HVCN1: variants seen among roughly 807,000 people sequenced by gnomAD.
The protein encoded by HVCN1 is hydrogen voltage gated channel 1, also known as voltage-gated hydrogen channel 1.
In HVCN1, 14 loss-of-function variants were observed where a neutral mutation model predicts 29.2. The observed-to-expected ratio is 0.48, with a 90% CI of 0.32 to 0.75. The LOEUF (loss-of-function observed/expected upper bound fraction) is 0.75, where lower values mean the gene tolerates loss of function less well. Ranked by LOEUF, HVCN1 falls within the 30% of genes least tolerant of loss-of-function variation. The pLI, the probability that HVCN1 is intolerant of heterozygous loss-of-function variation, is 0.04. For synonymous variants in HVCN1, 131 were observed against 133.2 expected (o/e 0.98, Z 0.11); for missense variants, 263 against 341.8 (o/e 0.77, Z 1.82).
At chr12:110,670,905 A>G (rs1037017394) in intron 3 of HVCN1, among the ~76,000 whole-genome samples, 3 of 152,132 alleles carry the variant, frequency 2.0e-5, no homozygotes, top group Non-Finnish European at 4.4e-5. Context: ...CAAAAAGAGA[A>G]AAGGGGCCAG....
In HVCN1 at chr12:110,651,442, G is replaced by A. The variant is rs907385822; in HGVS notation, c.418C>T (p.His140Tyr). The A allele has an allele frequency of 6.2e-7, 1 of 1,607,986 alleles. No individual in the cohort carries two copies. Among genetic ancestry groups the A allele is most frequent in the African/African-American group, 1.3e-5 (1 of 74,758 alleles). Residue 140 changes from histidine (H) to tyrosine (Y), a missense_variant, in exon 6 of 8, where the codon CAC becomes TAC. Physicochemically the swap from His to Tyr is moderately conservative, Grantham distance 83. Transcript: ENST00000242607. The part of the protein sequence containing the change: ...DKNNYAAMVF[H>Y]YMSITILVFF... ...ACCAAGATGGTGATGCTCATGTAGT[G>A]GAATACCTGAAGGGGACAAGGAACC...
chr12:110,659,483 C>T (rs2068093405), intron 4 of HVCN1, among the ~76,000 whole-genome samples: 1 of 152,218 alleles, frequency 6.6e-6, no homozygotes, highest in Non-Finnish European at 1.5e-5. Context: ...TGTGGGCTTC[C>T]CTGTGGTCTC....
intron 3 of HVCN1, among the ~76,000 whole-genome samples, chr12:110,681,149 C>T (rs977527342): frequency 6.6e-6 from 1 of 152,156 alleles, no homozygotes; most frequent in African/African-American, 2.4e-5. Context: ...TCTGGCTGGG[C>T]CTGACAATTG....
intron 3 of HVCN1, among the ~76,000 whole-genome samples, chr12:110,663,507 G>A (rs991053811): frequency 6.7e-6 from 1 of 149,962 alleles, no homozygotes; most frequent in Non-Finnish European, 1.5e-5. Context: ...GGCTGGGGCA[G>A]GAGGAGTGCT....
At chr12:110,691,120 TG>T (rs2069397466), upstream of HVCN1, among the ~76,000 whole-genome samples, 1 of 151,780 alleles carries the variant, frequency 6.6e-6, no homozygotes, top group Non-Finnish European at 1.5e-5. Flanking sequence ...TGGAGTGCAG[TG>T]GCGCGACCTC....
chr12:110,682,964 CAAAA>C (rs374770633), intron 3 of HVCN1: 2 of 307,466 alleles, frequency 6.5e-6, no homozygotes, highest in African/African-American at 2.7e-5. Flanking sequence ...AACTCCATCT[CAAAA>C]AAAAAAAAAC....
intron 3 of HVCN1, among the ~76,000 whole-genome samples, chr12:110,682,503 A>G (rs1321347465): frequency 6.6e-6 from 1 of 152,104 alleles, no homozygotes; most frequent in Non-Finnish European, 1.5e-5. Flanking sequence ...CTGGCCTAAA[A>G]TCCCATTTCT....
upstream of HVCN1, among the ~76,000 whole-genome samples, chr12:110,693,597 A>C (rs763146393): frequency 2.0e-5 from 3 of 152,182 alleles, no homozygotes; most frequent in Non-Finnish European, 4.4e-5. Flanking sequence ...ATCAGTCAAA[A>C]TCACAGATGT....
At chr12:110,700,574 C>T (rs958081467) in intron 2 of HVCN1, among the ~76,000 whole-genome samples, 10 of 152,108 alleles carry the variant, frequency 6.6e-5, no homozygotes, top group African/African-American at 2.4e-4. Flanking sequence ...ACTCATTGTA[C>T]TTGGGAATAT....
intron 3 of HVCN1, among the ~76,000 whole-genome samples, chr12:110,674,071 G>A (rs2068669474): frequency 6.6e-6 from 1 of 152,230 alleles, no homozygotes. Context: ...CAGGAGGTGG[G>A]TTATACCCTG....
intron 3 of HVCN1, among the ~76,000 whole-genome samples, chr12:110,680,910 A>G (rs139454486): frequency 3.3e-5 from 5 of 152,306 alleles, no homozygotes; most frequent in Non-Finnish European, 7.4e-5. Flanking sequence ...AGCCTGGAAG[A>G]CAGAACCAGG....
chr12:110,655,440 G>A lies in HVCN1; in HGVS notation c.307-102C>T, dbSNP rs546467863. The A allele has an allele frequency of 5.3e-5, 44 of 835,380 alleles. No individual in the cohort carries two copies. The Admixed American group carries it at 7.7e-4, about 15-fold the overall frequency. The allele number at this position is 835,380 out of a possible 1,614,324, so 51.7% of individuals were successfully genotyped here. A position where few individuals can be genotyped will look rare whatever the true frequency, so the allele number is the denominator to read the frequency against. Reference sequence around the variant, plus strand: ...TTGGAAGCACGTGGGTGAAACCACTGGGCAAAGCCATTAAGGATGGGAGGC... The same window carrying A: ...TTGGAAGCACGTGGGTGAAACCACTAGGCAAAGCCATTAAGGATGGGAGGC... On this transcript the variant is annotated intron_variant, in intron 4 of 7. Coordinates refer to ENST00000242607, the MANE Select transcript of HVCN1 (RefSeq NM_032369.4).
chr12:110,697,569 C>A (rs951746356), intron 2 of HVCN1, among the ~76,000 whole-genome samples: 4 of 152,002 alleles, frequency 2.6e-5, no homozygotes, highest in Non-Finnish European at 5.9e-5. Flanking sequence ...TGGAGTCCCC[C>A]CAAGACTAGC....
chr12:110,689,196 C>T (rs2069335066), upstream of HVCN1: 1 of 151,476 alleles, frequency 6.6e-6, no homozygotes, highest in South Asian at 2.0e-4. This position sits in a 1 kb window ranked among gnomAD's most constrained non-coding sequence, Gnocchi z 5.7. Context: ...CCGCCCCCGC[C>T]CCCGTCCCCG....
At chr12:110,674,049 C>A (rs2068668460) in intron 3 of HVCN1, among the ~76,000 whole-genome samples, 1 of 152,224 alleles carries the variant, frequency 6.6e-6, no homozygotes, top group African/African-American at 2.4e-5. Context: ...AATGTCAGCT[C>A]ATGAAAGCAG....
upstream of HVCN1, among the ~76,000 whole-genome samples, chr12:110,692,590 G>GGT (rs1285364663): frequency 2.4e-4 from 36 of 152,198 alleles, no homozygotes; most frequent in Non-Finnish European, 4.3e-4. Context: ...TGGGCATGGT[G>GGT]GTGTGCCCCT....
chr12:110,692,057 G>A (rs1189194517), upstream of HVCN1, among the ~76,000 whole-genome samples: 1 of 152,188 alleles, frequency 6.6e-6, no homozygotes, highest in Non-Finnish European at 1.5e-5. Context: ...TCTCAAATGT[G>A]TTACACTGTT....
intron 2 of HVCN1, among the ~76,000 whole-genome samples, chr12:110,702,062 A>T (rs2069570162): frequency 6.7e-6 from 1 of 149,926 alleles, no homozygotes; most frequent in African/African-American, 2.5e-5. Context: ...CTCTTGCCTC[A>T]GCCTCCCCAG....
chr12:110,683,133 G>A lies in HVCN1; in HGVS notation c.21+92C>T, dbSNP rs565380181. 1.0e-5 allele frequency: 15 copies of A among 1,504,910 alleles called. No homozygotes were observed. The South Asian group carries it at 1.5e-4, about 15-fold the overall frequency. 93.2% of individuals were successfully genotyped at this position (1,504,910 alleles called of 1,614,324 possible). On this transcript the variant is annotated intron_variant, in intron 3 of 7. Coordinates refer to ENST00000242607, the MANE Select transcript of HVCN1 (RefSeq NM_032369.4). Reference sequence around the variant, plus strand: ...AGTATAGTGGAAACACCTGAACAGGGAGTTCTCCCTCTCCTGTTTGAAACA... The same window carrying A: ...AGTATAGTGGAAACACCTGAACAGGAAGTTCTCCCTCTCCTGTTTGAAACA...
Sources: allele counts gnomAD v4.1 joint callset (sites outside exome capture counted in the v4.1 genomes callset), GRCh38; gene constraint gnomAD v4.1.1; non-coding constraint Gnocchi (gnomAD v3.1); transcripts MANE v1.5; gene names NCBI Gene and HGNC (gene_info 2026-07-23, HGNC 2026-07-21).